FSHR: variants seen among roughly 807,000 people sequenced by gnomAD.
FSHR encodes follicle-stimulating hormone receptor.
In FSHR, 46 loss-of-function variants were observed where a neutral mutation model predicts 52.1. The observed-to-expected ratio is 0.88, with a 90% CI of 0.70 to 1.13. FSHR has a LOEUF of 1.13. Among genes scored for constraint, FSHR ranks in the 50% most tolerant of loss-of-function variants. The pLI, the probability that FSHR is intolerant of heterozygous loss-of-function variation, is 0.00. For missense variants in FSHR, 964 were observed against 834.6 expected, an observed-to-expected ratio of 1.16 and a Z score of -1.91; for synonymous variants, 399 against 309.6, an observed-to-expected ratio of 1.29 and a Z score of -3.03.
At chr2:49,150,675 C>G (rs1036738946) in intron 1 of FSHR, among the ~76,000 whole-genome samples, 3 of 152,012 alleles carry the variant, frequency 2.0e-5, no homozygotes, top group African/African-American at 7.2e-5. Flanking sequence ...ACTCCACCAT[C>G]TCTGACTCAT....
intron 2 of FSHR, among the ~76,000 whole-genome samples, chr2:49,040,953 A>C (rs1668458916): frequency 6.6e-6 from 1 of 152,230 alleles, no homozygotes; most frequent in Non-Finnish European, 1.5e-5. Context: ...CTGGTATGCG[A>C]TTTGGAATAG....
intron 1 of FSHR, among the ~76,000 whole-genome samples, chr2:49,104,364 C>T (rs79381382): frequency 0.025 from 3,826 of 152,120 alleles, 150 homozygotes; most frequent in African/African-American, 0.088. Context: ...CCCCTGAACC[C>T]GAACTCTTTG....
chr2:48,965,534 T>C (rs1178574424), intron 9 of FSHR, among the ~76,000 whole-genome samples: 2 of 152,198 alleles, frequency 1.3e-5, no homozygotes, highest in Non-Finnish European at 2.9e-5. Flanking sequence ...CTGTGGTCCT[T>C]AGTCTAACTC....
At chr2:48,992,861 CTA>C (rs879692278) in intron 4 of FSHR, among the ~76,000 whole-genome samples, 2 of 152,170 alleles carry the variant, frequency 1.3e-5, no homozygotes, top group Non-Finnish European at 2.9e-5. Context: ...CTGCTCCAAT[CTA>C]TTTTCATCCC....
chr2:48,985,479 G>A (rs1675459702), intron 6 of FSHR, among the ~76,000 whole-genome samples: 1 of 152,066 alleles, frequency 6.6e-6, no homozygotes, highest in Non-Finnish European at 1.5e-5. Context: ...GCCATAGCTA[G>A]GTGCTTTCCC....
chr2:49,053,700 A>G (rs985208779), intron 2 of FSHR, among the ~76,000 whole-genome samples: 18 of 152,212 alleles, frequency 1.2e-4, no homozygotes, highest in African/African-American at 4.1e-4. Context: ...AAAAAAGAAA[A>G]AAAACAGTCC....
chr2:49,079,950 A>G (rs549022257), intron 1 of FSHR, among the ~76,000 whole-genome samples: 46 of 152,314 alleles, frequency 3.0e-4, no homozygotes, highest in African/African-American at 1.1e-3. Flanking sequence ...CTGGAGAAAG[A>G]TATTTGCAAC....
At chr2:49,071,575 G>T (rs1264414085) in intron 1 of FSHR, among the ~76,000 whole-genome samples, 2 of 152,164 alleles carry the variant, frequency 1.3e-5, no homozygotes, top group African/African-American at 4.8e-5. Flanking sequence ...AATAGTGAAT[G>T]AAGAAATTAG....
chr2:49,112,294 A>G (rs774826857), intron 1 of FSHR, among the ~76,000 whole-genome samples: 1 of 152,202 alleles, frequency 6.6e-6, no homozygotes, highest in African/African-American at 2.4e-5. Context: ...TTTCCCTAGT[A>G]GAATACACAA....
intron 1 of FSHR, among the ~76,000 whole-genome samples, chr2:49,130,276 G>T (rs17038315): frequency 6.6e-6 from 1 of 152,056 alleles, no homozygotes; most frequent in South Asian, 2.1e-4. Flanking sequence ...GGTGAGCCCA[G>T]TTATTTGCCT....
At chr2:49,111,069 G>T (rs1671404522) in intron 1 of FSHR, among the ~76,000 whole-genome samples, 1 of 152,134 alleles carries the variant, frequency 6.6e-6, no homozygotes, top group Admixed American at 6.5e-5. Context: ...TTGACTGGAG[G>T]CAGAAACCCC....
chr2:49,104,744 T>G (rs1671162293), intron 1 of FSHR, among the ~76,000 whole-genome samples: 1 of 151,854 alleles, frequency 6.6e-6, no homozygotes, highest in African/African-American at 2.4e-5. Flanking sequence ...ATTGCCATCC[T>G]CAATACAGCA....
At chr2:49,027,471 A>T (rs1667945686) in intron 2 of FSHR, among the ~76,000 whole-genome samples, 1 of 152,222 alleles carries the variant, frequency 6.6e-6, no homozygotes, top group Admixed American at 6.5e-5. Flanking sequence ...ACCTGGACAC[A>T]GTGGTGCAGC....
chr2:48,999,132 A>G (rs12994034), intron 4 of FSHR, among the ~76,000 whole-genome samples: 78,928 of 151,944 alleles, frequency 0.52, 23,031 homozygotes, highest in Non-Finnish European at 0.66. Context: ...TGCCAGGTGG[A>G]AATGGTAATA....
chr2:49,072,427 CA>C (rs1209361761), intron 1 of FSHR, among the ~76,000 whole-genome samples: 2 of 151,800 alleles, frequency 1.3e-5, no homozygotes, highest in African/African-American at 2.4e-5. Flanking sequence ...GAAAAGGAAA[CA>C]AAAAATTAGA....
At chr2:49,099,808 C>G (rs1670960845) in intron 1 of FSHR, among the ~76,000 whole-genome samples, 1 of 152,030 alleles carries the variant, frequency 6.6e-6, no homozygotes, top group Non-Finnish European at 1.5e-5. Flanking sequence ...CCCTTAGAAC[C>G]GTCAGGAGGA....
chr2:48,998,334 G>A (rs1035852448), intron 4 of FSHR, among the ~76,000 whole-genome samples: 1 of 151,994 alleles, frequency 6.6e-6, no homozygotes, highest in African/African-American at 2.4e-5. Context: ...TGGGAAACAT[G>A]TATGGAAATT....
Position 48,997,708 on chromosome 2 carries a change from A to G in FSHR, c.375-7071T>C, listed in dbSNP as rs567533999. Among the ~76,000 whole-genome samples, 6 of 152,238 alleles carry G rather than the reference A, an allele frequency of 3.9e-5. 1 individual carries two copies. In the South Asian group the frequency reaches 1.2e-3, roughly 32 times the overall value. On this transcript the variant is annotated intron_variant, in intron 4 of 9. Transcript: ENST00000406846. ...TGCTGTGGTCATGCTCCAGCCTTGT[A>G]TTCCAGTTGCCATATCTGAGATTCT...
chr2:49,030,058 A>G (rs1227225807), intron 2 of FSHR, among the ~76,000 whole-genome samples: 1 of 152,192 alleles, frequency 6.6e-6, no homozygotes, highest in Admixed American at 6.5e-5. Flanking sequence ...ATCAGGGAGT[A>G]GCAGCAGGGT....
Sources: allele counts gnomAD v4.1 joint callset (sites outside exome capture counted in the v4.1 genomes callset), GRCh38; gene constraint gnomAD v4.1.1; transcripts MANE v1.5; gene names NCBI Gene and HGNC (gene_info 2026-07-23, HGNC 2026-07-21).